Variants in XRCC2 observed in about 807,000 individuals in gnomAD.
XRCC2 encodes the protein DNA repair protein XRCC2.
In XRCC2, 24 loss-of-function variants were observed where a neutral mutation model predicts 27.3. The ratio of observed to expected loss-of-function variants is 0.88; its 90% CI spans 0.64 to 1.24. The LOEUF (loss-of-function observed/expected upper bound fraction) is 1.24, where lower values mean the gene tolerates loss of function less well. Among genes scored for constraint, XRCC2 ranks in the 50% most tolerant of loss-of-function variants. The pLI is 0.00. For synonymous variants in XRCC2, 106 were observed against 115.4 expected, an observed-to-expected ratio of 0.92 and a Z score of 0.52; for missense variants, 321 against 325.8, an observed-to-expected ratio of 0.99 and a Z score of 0.11.
At chr7:152,670,271 C>G (rs2098037635) in intron 1 of XRCC2, among the ~76,000 whole-genome samples, 1 of 152,152 alleles carries the variant, frequency 6.6e-6, no homozygotes, top group East Asian at 1.9e-4. Flanking sequence ...GCCACTCTCC[C>G]TCATCTGGAT....
chr7:152,648,921 G>A lies in XRCC2; in HGVS notation c.564C>T (p.Arg188=). 3 of 1,614,108 alleles carry A rather than the reference G, an allele frequency of 1.9e-6. No homozygotes were observed. Among genetic ancestry groups the A allele is most frequent in the South Asian group, 1.1e-5 (1 of 91,076 alleles). ...TTTGTGTCGTTGCAAAAAGAACCAG[G>A]CGATAGTCATTTACAAGCTTCTCTA... ...QCLEKLVNDY[R]LVLFATTQTI... The change falls in exon 3 of 3, where the codon CGC becomes CGT. Residue 188 remains arginine, a synonymous_variant. Transcript: ENST00000359321.
intron 2 of XRCC2, among the ~76,000 whole-genome samples, chr7:152,657,680 G>A (rs2098031266): frequency 6.6e-6 from 1 of 152,158 alleles, no homozygotes; most frequent in African/African-American, 2.4e-5. Flanking sequence ...AAGATGTAGG[G>A]AATACCTATA....
At chr7:152,675,067 C>G (rs886612581) in intron 1 of XRCC2, among the ~76,000 whole-genome samples, 3 of 152,138 alleles carry the variant, frequency 2.0e-5, no homozygotes, top group Non-Finnish European at 2.9e-5. Flanking sequence ...CTTCCTCTCT[C>G]ATCTGCATAA....
intron 2 of XRCC2, among the ~76,000 whole-genome samples, chr7:152,650,810 T>C (rs961844217): frequency 1.3e-5 from 2 of 151,952 alleles, no homozygotes; most frequent in African/African-American, 4.8e-5. Flanking sequence ...CACTTGAACC[T>C]GGGAGACAGA....
chr7:152,663,115 C>G (rs1453050240), intron 1 of XRCC2, among the ~76,000 whole-genome samples: 2 of 151,966 alleles, frequency 1.3e-5, no homozygotes, highest in African/African-American at 2.4e-5. Flanking sequence ...TTAATTAGAG[C>G]AGAGGTTCTG....
chr7:152,652,767 T>G (rs907447780), intron 2 of XRCC2, among the ~76,000 whole-genome samples: 3 of 152,146 alleles, frequency 2.0e-5, no homozygotes, highest in African/African-American at 4.8e-5. Context: ...AATAAAAATA[T>G]AAGTCTTGGT....
rs1457311861 is a variant in XRCC2 at position 152,646,062 on chromosome 7, G to A, written c.*2580C>T. 6.6e-6 allele frequency: 1 copy of A among 152,188 alleles called. No homozygotes were observed. Among genetic ancestry groups the A allele is most frequent in the East Asian group, 1.9e-4 (1 of 5,200 alleles). 9.4% of individuals were successfully genotyped at this position (152,188 alleles called of 1,614,324 possible). ...CTCTGTGCTTTGGATCTGTCCTGCT[G>A]TATTCGGTTCTTTTAAATTTAAAAA... On this transcript the variant is annotated 3_prime_UTR_variant, in exon 3 of 3. Transcript: ENST00000359321.
At chr7:152,652,256 A>G (rs1299187696) in intron 2 of XRCC2, among the ~76,000 whole-genome samples, 2 of 152,090 alleles carry the variant, frequency 1.3e-5, no homozygotes, top group South Asian at 2.1e-4. Context: ...AAAAGTTAAC[A>G]TAGCAACTAA....
chr7:152,654,959 T>C (rs908451595), intron 2 of XRCC2, among the ~76,000 whole-genome samples: 4 of 152,286 alleles, frequency 2.6e-5, no homozygotes, highest in South Asian at 2.1e-4. Context: ...ATCCTCAAGA[T>C]CAAAACCTGT....
chr7:152,657,579 C>T (rs541554603), intron 2 of XRCC2, among the ~76,000 whole-genome samples: 5 of 152,228 alleles, frequency 3.3e-5, no homozygotes, highest in South Asian at 4.1e-4. Flanking sequence ...TGTGAGCCAC[C>T]GCACCTGGCC....
Position 152,668,071 on chromosome 7 carries a change from ACTGGTCCCC to A in XRCC2, c.40-7298_40-7290del, listed in dbSNP as rs1590137535. On this transcript the variant is annotated intron_variant, in intron 1 of 2. Coordinates refer to ENST00000359321, the MANE Select transcript of XRCC2 (RefSeq NM_005431.2). ...ACTTCTAAACATAGGCAGAAAATAC[ACTGGTCCCC>A]CCTTATCTGCAGTTTCATTTTCTGT... Among the ~76,000 whole-genome samples the A allele has an allele frequency of 2.0e-5, 3 of 152,038 alleles. No individual in the cohort carries two copies. In the East Asian group the frequency reaches 5.8e-4, roughly 29 times the overall value.
At position 152,660,776 on chromosome 7, in the gene XRCC2, C is replaced by G. The variant is rs4987090; in HGVS notation, c.46G>C (p.Ala16Pro). Residue 16 changes from alanine (A) to proline (P), a missense_variant, in exon 2 of 3, where the codon GCC becomes CCC. Ala to Pro is a conservative substitution (Grantham distance 27). Transcript: ENST00000359321. ...HRAESGTELL[A>P]RLEGRSSLKE... ...AAGGAACTTCTACCTTCAAGTCGGG[C>G]AAGGAGCTTATAAAAGAAGAGAGAA... 9 of 1,610,210 alleles carry G rather than the reference C, an allele frequency of 5.6e-6. No individual in the cohort carries two copies. Among genetic ancestry groups the G allele is most frequent in the Non-Finnish European group, 7.6e-6 (9 of 1,178,788 alleles).
intron 1 of XRCC2, among the ~76,000 whole-genome samples, chr7:152,663,046 T>C (rs2098033991): frequency 1.3e-5 from 2 of 152,114 alleles, no homozygotes; most frequent in South Asian, 2.1e-4. Context: ...TCAAAGAATG[T>C]GCAGTCTCAG....
At chr7:152,658,388 GTGAT>G (rs1172103425) in intron 2 of XRCC2, among the ~76,000 whole-genome samples, 4 of 152,132 alleles carry the variant, frequency 2.6e-5, no homozygotes, top group Admixed American at 2.6e-4. Context: ...CAGACCTCAG[GTGAT>G]CCACCTACCT....
At chr7:152,667,552 T>C (rs914965901) in intron 1 of XRCC2, among the ~76,000 whole-genome samples, 2 of 151,940 alleles carry the variant, frequency 1.3e-5, no homozygotes, top group Non-Finnish European at 2.9e-5. Context: ...AAAATCAAAT[T>C]TAATTTCAAA....
chr7:152,649,885 C>T (rs1017530070), intron 2 of XRCC2, among the ~76,000 whole-genome samples: 1 of 152,186 alleles, frequency 6.6e-6, no homozygotes, highest in South Asian at 2.1e-4. Context: ...ACCCCTTCTG[C>T]CCTGCCGCAC....
intron 1 of XRCC2, among the ~76,000 whole-genome samples, chr7:152,664,990 T>C (rs1174864701): frequency 6.6e-6 from 1 of 151,780 alleles, no homozygotes; most frequent in African/African-American, 2.4e-5. Flanking sequence ...TACGGGAAAA[T>C]TGCCCTACAC....
rs1277640841 is a variant in XRCC2 at position 152,648,407 on chromosome 7, CAAAAAGAAAAAAAAAA to C, written c.*219_*234del. 4 of 235,194 alleles carry C rather than the reference CAAAAAGAAAAAAAAAA, an allele frequency of 1.7e-5. No individual in the cohort carries two copies. Among genetic ancestry groups the C allele is most frequent in the Admixed American group, 1.7e-4 (2 of 11,532 alleles). The allele number at this position is 235,194 out of a possible 1,614,324, so 14.6% of individuals were successfully genotyped here. ...CCTGGGAGACAGAGTAAGACTGTTTCAAAAAGAAAAAAAAAAAAAAAGAAAACTTTTGGCCACGAGC... is the reference window on the plus strand; with the variant it reads ...CCTGGGAGACAGAGTAAGACTGTTTCAAAAAGAAAACTTTTGGCCACGAGC... On this transcript the variant is annotated 3_prime_UTR_variant, in exon 3 of 3. Transcript: ENST00000359321.
intron 1 of XRCC2, among the ~76,000 whole-genome samples, chr7:152,672,475 T>C (rs1290578282): frequency 1.3e-5 from 2 of 152,194 alleles, no homozygotes; most frequent in Non-Finnish European, 2.9e-5. Context: ...TACAAAGAAG[T>C]ATATGAGCTG....
Sources: allele counts gnomAD v4.1 joint callset (sites outside exome capture counted in the v4.1 genomes callset), GRCh38; gene constraint gnomAD v4.1.1; transcripts MANE v1.5; gene names NCBI Gene and HGNC (gene_info 2026-07-23, HGNC 2026-07-21).